FBLN5: variants seen among roughly 807,000 people sequenced by gnomAD.
FBLN5 encodes fibulin-5.
FBLN5 carries 24 observed loss-of-function variants against 61.6 expected under a neutral mutation model. The ratio of observed to expected loss-of-function variants is 0.39; its 90% CI spans 0.28 to 0.55. The LOEUF (loss-of-function observed/expected upper bound fraction) is 0.55. FBLN5 is among the 20% of genes least tolerant of loss of function. The pLI is 0.65. For missense variants in FBLN5, 470 were observed against 594.1 expected, an observed-to-expected ratio of 0.79 and a Z score of 2.17; for synonymous variants, 213 against 219.8, an observed-to-expected ratio of 0.97 and a Z score of 0.27.
intron 4 of FBLN5, among the ~76,000 whole-genome samples, chr14:91,899,566 C>T (rs1208971759): frequency 3.3e-5 from 5 of 152,198 alleles, no homozygotes; most frequent in African/African-American, 4.8e-5. Context: ...CCTTCTCAAT[C>T]TGAAACAACT....
intron 4 of FBLN5, among the ~76,000 whole-genome samples, chr14:91,922,898 T>C (rs185191730): frequency 1.4e-3 from 220 of 152,286 alleles, no homozygotes; most frequent in African/African-American, 5.2e-3. Flanking sequence ...GGCAGAGGGC[T>C]CATCCCTGTT....
Position 91,881,474 on chromosome 14 carries a change from G to A in FBLN5, c.863-56C>T, listed in dbSNP as rs758717419. On this transcript the variant is annotated intron_variant, in intron 8 of 10. Transcript: ENST00000342058. ...CAGGGCATTATTGGCCAGGCCAGAC[G>A]CGTGGGGGTGGGGTAGGCTGGATCT... 7.2e-5 allele frequency: 116 copies of A among 1,605,002 alleles called. 1 individual carries two copies. The South Asian group carries it at 8.3e-4, about 11-fold the overall frequency.
intron 2 of FBLN5, among the ~76,000 whole-genome samples, chr14:91,941,522 T>G (rs2056103887): frequency 6.6e-6 from 1 of 152,134 alleles, no homozygotes; most frequent in Non-Finnish European, 1.5e-5. Context: ...GTTGGTTGAT[T>G]TGCAGAGATG....
intron 4 of FBLN5, among the ~76,000 whole-genome samples, chr14:91,908,843 C>T (rs1305235706): frequency 6.6e-6 from 1 of 152,018 alleles, no homozygotes; most frequent in African/African-American, 2.4e-5. Context: ...TCTTTGGAGG[C>T]TTGTTCTAAA....
intron 4 of FBLN5, among the ~76,000 whole-genome samples, chr14:91,902,906 C>T (rs1287564703): frequency 6.6e-6 from 1 of 152,058 alleles, no homozygotes; most frequent in Non-Finnish European, 1.5e-5. Flanking sequence ...AAGATGGCCA[C>T]AATAGACATT....
At chr14:91,875,611 T>A (rs190314870) in intron 10 of FBLN5, among the ~76,000 whole-genome samples, 1 of 152,282 alleles carries the variant, frequency 6.6e-6, no homozygotes, top group East Asian at 1.9e-4. Context: ...AATGCCTGGT[T>A]ACAATGGCTA....
chr14:91,904,334 G>C (rs745768426), intron 4 of FBLN5, among the ~76,000 whole-genome samples: 1 of 152,126 alleles, frequency 6.6e-6, no homozygotes, highest in Non-Finnish European at 1.5e-5. Context: ...ACCTTATTGT[G>C]GCCCGTCTCT....
intron 9 of FBLN5, among the ~76,000 whole-genome samples, chr14:91,880,225 G>C (rs971619410): frequency 2.6e-5 from 4 of 152,100 alleles, no homozygotes; most frequent in Non-Finnish European, 5.9e-5. Context: ...TATTCACGGA[G>C]CAGTCCAGGG....
In FBLN5 at chr14:91,937,083, C is replaced by T. The variant is rs764724863; in HGVS notation, c.243G>A (p.Ser81=). 6.2e-6 allele frequency: 10 copies of T among 1,613,618 alleles called. No homozygotes were observed. Among genetic ancestry groups the T allele is most frequent in the South Asian group, 3.3e-5 (3 of 91,056 alleles). The part of the protein sequence containing the change: ...RTNPVYRGPY[S]NPYSTPYSGP... ...CTGAGTAGGGGGTCGAGTAGGGGTT[C>T]GAGTAGGGCCCTCGATACACAGGGT... Residue 81 remains serine, a synonymous_variant, in exon 4 of 11, where the codon TCG becomes TCA. Transcript: ENST00000342058.
chr14:91,936,619 A>G (rs1040813871), intron 4 of FBLN5, among the ~76,000 whole-genome samples: 3 of 152,232 alleles, frequency 2.0e-5, no homozygotes, highest in African/African-American at 7.2e-5. Flanking sequence ...TGTATTGGTT[A>G]TTTGAGAAAA....
chr14:91,899,136 G>C (rs970102973), intron 4 of FBLN5, among the ~76,000 whole-genome samples: 2 of 131,854 alleles, frequency 1.5e-5, no homozygotes, highest in African/African-American at 6.2e-5. Context: ...TACAGCGGCT[G>C]TGTGTTCGTG....
chr14:91,881,690 G>A (rs1196848984), intron 8 of FBLN5, among the ~76,000 whole-genome samples: 1 of 152,120 alleles, frequency 6.6e-6, no homozygotes, highest in Non-Finnish European at 1.5e-5. Context: ...TACATTGGGA[G>A]GCTGAGGCAG....
At chr14:91,920,794 T>C (rs1404166661) in intron 4 of FBLN5, among the ~76,000 whole-genome samples, 1 of 152,188 alleles carries the variant, frequency 6.6e-6, no homozygotes, top group Non-Finnish European at 1.5e-5. Context: ...GCACGAAGTA[T>C]GGACCAGGTC....
chr14:91,870,187 C>A lies in FBLN5; in HGVS notation c.*37G>T. The A allele has an allele frequency of 6.3e-7, 1 of 1,599,812 alleles. No homozygotes were observed. The highest frequency in any genetic ancestry group is 8.6e-7 in the Non-Finnish European group (1 of 1,166,944). On this transcript the variant is annotated 3_prime_UTR_variant, in exon 11 of 11. Coordinates refer to ENST00000342058, the MANE Select transcript of FBLN5 (RefSeq NM_006329.4). ...TCCTCTCTTCTCCTGTCCCTTGGTG[C>A]CAATGAGAGGCAGCGTCGGAGGCTC...
At chr14:91,874,821 T>TTTTG (rs1218283786) in intron 10 of FBLN5, 1 of 152,354 alleles carries the variant, frequency 6.6e-6, no homozygotes, top group Non-Finnish European at 1.5e-5. Context: ...ATACATACTT[T>TTTTG]TTTGTTTGTT....
At chr14:91,941,536 T>A (rs1450809247) in intron 2 of FBLN5, among the ~76,000 whole-genome samples, 1 of 152,032 alleles carries the variant, frequency 6.6e-6, no homozygotes, top group Non-Finnish European at 1.5e-5. Flanking sequence ...AGAGATGATG[T>A]ATATGGCCTG....
chr14:91,896,268 AC>A (rs1416721693), intron 4 of FBLN5, among the ~76,000 whole-genome samples: 1 of 152,100 alleles, frequency 6.6e-6, no homozygotes, highest in African/African-American at 2.4e-5. Context: ...AAATATTCAC[AC>A]ATTAATTTAC....
chr14:91,877,127 G>C (rs1394994846), intron 10 of FBLN5, among the ~76,000 whole-genome samples: 1 of 152,160 alleles, frequency 6.6e-6, no homozygotes, highest in Non-Finnish European at 1.5e-5. Context: ...ACAGGCATCA[G>C]CCCCCGTGCC....
At chr14:91,906,944 G>A (rs749687796) in intron 4 of FBLN5, among the ~76,000 whole-genome samples, 11 of 152,324 alleles carry the variant, frequency 7.2e-5, no homozygotes, top group Middle Eastern at 3.4e-3. Flanking sequence ...GACAAGGGAC[G>A]AGGTAATCCC....
Sources: gnomAD v4.1 joint callset for allele counts (sites outside exome capture counted in the v4.1 genomes callset) on GRCh38, gnomAD v4.1.1 for gene constraint, MANE v1.5 for transcripts, NCBI Gene and HGNC (gene_info 2026-07-23, HGNC 2026-07-21) for gene names.